The following TBC1D22A variants were observed in gnomAD, a reference collection of about 807,000 sequenced individuals.
The protein encoded by TBC1D22A is putative GTPase activator.
TBC1D22A carries 38 observed loss-of-function variants against 60.2 expected under a neutral mutation model. The observed-to-expected ratio is 0.63, with a 90% confidence interval of 0.49 to 0.83. The LOEUF is 0.83. TBC1D22A is among the 40% of genes least tolerant of loss of function. The pLI is 0.00. For synonymous variants in TBC1D22A, 302 were observed against 281.7 expected, an observed-to-expected ratio of 1.07 and a Z score of -0.72; for missense variants, 628 against 701.0, an observed-to-expected ratio of 0.90 and a Z score of 1.18.
chr22:46,939,630 A>G (rs112486401), intron 8 of TBC1D22A, among the ~76,000 whole-genome samples: 1,593 of 152,368 alleles, frequency 0.01, 25 homozygotes, highest in Admixed American at 0.038. Context: ...TCATAAATCT[A>G]AAAAGGAAAA....
intron 11 of TBC1D22A, among the ~76,000 whole-genome samples, chr22:47,109,854 C>T (rs963739910): frequency 1.1e-4 from 16 of 152,042 alleles, no homozygotes; most frequent in African/African-American, 3.6e-4. Context: ...TCCGTCTTGG[C>T]CCAAGTCACT....
intron 10 of TBC1D22A, among the ~76,000 whole-genome samples, chr22:47,030,616 C>T (rs549307275): frequency 6.6e-6 from 1 of 152,282 alleles, no homozygotes; most frequent in East Asian, 1.9e-4. Context: ...ATGAAAAAAC[C>T]TTTTCAGCCT....
At chr22:47,118,796 C>T (rs2066164992) in intron 12 of TBC1D22A, among the ~76,000 whole-genome samples, 1 of 122,944 alleles carries the variant, frequency 8.1e-6, no homozygotes, top group Non-Finnish European at 1.7e-5. Flanking sequence ...AATTTACACA[C>T]ACACACACAC....
At chr22:46,919,662 G>C (rs775518242) in intron 8 of TBC1D22A, among the ~76,000 whole-genome samples, 1 of 151,868 alleles carries the variant, frequency 6.6e-6, no homozygotes, top group African/African-American at 2.4e-5. Flanking sequence ...ATTGTGGGAG[G>C]AGCGTATGTT....
At chr22:46,993,749 A>T (rs6008015) in intron 9 of TBC1D22A, among the ~76,000 whole-genome samples, 1,546 of 152,272 alleles carry the variant, frequency 0.01, 28 homozygotes, top group African/African-American at 0.035. Context: ...GGGCCATGGG[A>T]CATTCTTTTC....
chr22:46,880,660 C>G (rs538551139), intron 5 of TBC1D22A, among the ~76,000 whole-genome samples: 1 of 151,912 alleles, frequency 6.6e-6, no homozygotes, highest in African/African-American at 2.4e-5. Context: ...GGACAGGACA[C>G]GAGTATGAAC....
At chr22:46,848,981 G>T (rs2087148973) in intron 4 of TBC1D22A, among the ~76,000 whole-genome samples, 1 of 151,764 alleles carries the variant, frequency 6.6e-6, no homozygotes, top group South Asian at 2.1e-4. Context: ...CCTGTCCCCA[G>T]TCTCTGTTTG....
intron 7 of TBC1D22A, among the ~76,000 whole-genome samples, chr22:46,906,867 T>A (rs183948703): frequency 3.3e-5 from 5 of 151,958 alleles, no homozygotes; most frequent in Admixed American, 2.6e-4. Flanking sequence ...TGTGCCTCTG[T>A]GTGTGTACAT....
At chr22:46,765,965 G>A (rs2083269616) in intron 1 of TBC1D22A, among the ~76,000 whole-genome samples, 1 of 40,290 alleles carries the variant, frequency 2.5e-5, no homozygotes, top group South Asian at 6.2e-4. Context: ...TTATGTGTGT[G>A]TGTGTGTGTG....
intron 4 of TBC1D22A, among the ~76,000 whole-genome samples, chr22:46,876,692 G>A (rs2067583088): frequency 6.6e-6 from 1 of 152,228 alleles, no homozygotes; most frequent in African/African-American, 2.4e-5. Flanking sequence ...AGTGGCTTAA[G>A]TAGGCGCCTA....
At chr22:46,952,811 G>T (rs1030539443) in intron 8 of TBC1D22A, among the ~76,000 whole-genome samples, 1 of 152,218 alleles carries the variant, frequency 6.6e-6, no homozygotes, top group African/African-American at 2.4e-5. Flanking sequence ...TACCAGAGCT[G>T]ACTCTGTCCC....
intron 12 of TBC1D22A, among the ~76,000 whole-genome samples, chr22:47,172,223 G>GT (rs1216184020): frequency 2.6e-5 from 4 of 152,096 alleles, no homozygotes; most frequent in Admixed American, 2.6e-4. Context: ...TGAGCCTGGT[G>GT]TGTCTACCTA....
intron 8 of TBC1D22A, among the ~76,000 whole-genome samples, chr22:46,973,639 A>G (rs1330007602): frequency 1.3e-5 from 2 of 152,274 alleles, no homozygotes; most frequent in Admixed American, 6.5e-5. Context: ...ACAGTTTTGT[A>G]AGGATCTAAA....
intron 8 of TBC1D22A, among the ~76,000 whole-genome samples, chr22:46,921,321 T>A (rs956089554): frequency 6.6e-6 from 1 of 152,220 alleles, no homozygotes; most frequent in African/African-American, 2.4e-5. Flanking sequence ...CTCCCACTTA[T>A]AAGTGAGAAC....
chr22:46,798,292 C>T (rs920577038), intron 4 of TBC1D22A, among the ~76,000 whole-genome samples: 1 of 152,244 alleles, frequency 6.6e-6, no homozygotes, highest in Non-Finnish European at 1.5e-5. Context: ...GACAGTGGCT[C>T]ATGGGGGCAC....
chr22:47,019,847 C>G (rs2062023181), intron 10 of TBC1D22A, among the ~76,000 whole-genome samples: 1 of 150,564 alleles, frequency 6.6e-6, no homozygotes, highest in South Asian at 2.1e-4. Context: ...CCTCTCCTCT[C>G]TCTTAACTCT....
At chr22:47,016,936 C>T (rs1244918709) in intron 10 of TBC1D22A, among the ~76,000 whole-genome samples, 2 of 152,232 alleles carry the variant, frequency 1.3e-5, no homozygotes, top group African/African-American at 2.4e-5. Flanking sequence ...TCAGGTTTGA[C>T]GCACCTGTCC....
intron 4 of TBC1D22A, among the ~76,000 whole-genome samples, chr22:46,805,079 A>G (rs1233256511): frequency 6.6e-6 from 1 of 152,148 alleles, no homozygotes; most frequent in African/African-American, 2.4e-5. Context: ...AGCTCCTATT[A>G]TGGTTTCCTC....
intron 11 of TBC1D22A, among the ~76,000 whole-genome samples, chr22:47,090,744 G>T (rs370037205): frequency 2.5e-3 from 381 of 150,738 alleles, no homozygotes; most frequent in African/African-American, 9.0e-3. Context: ...CGCAGAGGGG[G>T]TGGCTGCTTG....
Sources: gnomAD v4.1 joint callset for allele counts (sites outside exome capture counted in the v4.1 genomes callset) on GRCh38, gnomAD v4.1.1 for gene constraint, MANE v1.5 for transcripts, NCBI Gene and HGNC (gene_info 2026-07-23, HGNC 2026-07-21) for gene names.